CDH13: variants seen among roughly 807,000 people sequenced by gnomAD.
CDH13 encodes cadherin-13.
CDH13 carries 24 observed loss-of-function variants against 63.8 expected under a neutral mutation model. The observed-to-expected ratio is 0.38, with a 90% CI of 0.27 to 0.53. The LOEUF is 0.53. CDH13 is among the 20% of genes least tolerant of loss of function. The probability of loss-of-function intolerance (pLI) is 0.85; values close to 1 mark genes in which losing one functional copy is unlikely to be tolerated. For synonymous variants in CDH13, 503 were observed against 355.3 expected, an observed-to-expected ratio of 1.42 and a Z score of -4.67; for missense variants, 1,049 against 903.1, an observed-to-expected ratio of 1.16 and a Z score of -2.07.
In CDH13 at chr16:83,050,489, A is replaced by G. The variant is rs145865449; in HGVS notation, c.366+18271A>G. On this transcript the variant is annotated intron_variant, in intron 3 of 13. Transcript: ENST00000567109. Reference sequence around the variant, plus strand: ...GTCCTTGTTCTCCCACTCTTTCTGTATAGAAACCCATATATTTTCTTCCTC... The same window carrying G: ...GTCCTTGTTCTCCCACTCTTTCTGTGTAGAAACCCATATATTTTCTTCCTC... Among the ~76,000 whole-genome samples the G allele has an allele frequency of 1.9e-3, 288 of 152,258 alleles. 3 individuals are homozygous for G. The Middle Eastern group carries it at 0.024, about 13-fold the overall frequency.
chr16:83,355,850 G>A (rs1282493996), intron 6 of CDH13, among the ~76,000 whole-genome samples: 1 of 152,136 alleles, frequency 6.6e-6, no homozygotes, highest in Non-Finnish European at 1.5e-5. Context: ...CCTGTCCCAG[G>A]GTAACACAGC....
At chr16:83,279,381 G>A (rs1196378913) in intron 5 of CDH13, among the ~76,000 whole-genome samples, 8 of 152,136 alleles carry the variant, frequency 5.3e-5, no homozygotes, top group African/African-American at 1.7e-4. Flanking sequence ...GGGGCTCCTG[G>A]ATGCACGCAC....
intron 1 of CDH13, among the ~76,000 whole-genome samples, chr16:82,786,470 A>G (rs1169337832): frequency 8.1e-6 from 1 of 123,512 alleles, no homozygotes; most frequent in East Asian, 2.5e-4. Context: ...AGTCTCATCT[A>G]TGCCTTTTTG....
At chr16:82,769,483 A>G (rs1356731115) in intron 1 of CDH13, among the ~76,000 whole-genome samples, 1 of 152,196 alleles carries the variant, frequency 6.6e-6, no homozygotes, top group Non-Finnish European at 1.5e-5. Context: ...AAAGGCTGAT[A>G]CCTCTGTCTT....
intron 4 of CDH13, among the ~76,000 whole-genome samples, chr16:83,216,058 A>G (rs1322684789): frequency 6.7e-6 from 1 of 149,500 alleles, no homozygotes; most frequent in African/African-American, 2.5e-5. Context: ...CCAGTAACTC[A>G]CGATTTGCAA....
chr16:82,986,969 T>C (rs906198128), intron 2 of CDH13, among the ~76,000 whole-genome samples: 5 of 152,206 alleles, frequency 3.3e-5, no homozygotes, highest in African/African-American at 9.6e-5. Context: ...GAAACACTTA[T>C]CCCATCTATT....
At chr16:83,615,103 GC>G (rs1486023822) in intron 8 of CDH13, among the ~76,000 whole-genome samples, 1 of 152,106 alleles carries the variant, frequency 6.6e-6, no homozygotes, top group Non-Finnish European at 1.5e-5. Flanking sequence ...ACACCTTTGT[GC>G]TTCCACCCTT....
intron 3 of CDH13, among the ~76,000 whole-genome samples, chr16:83,113,664 A>G (rs1298167212): frequency 2.0e-5 from 3 of 152,178 alleles, no homozygotes; most frequent in Admixed American, 2.0e-4. Flanking sequence ...TCATAGCAAA[A>G]GAGACCGAGG....
At chr16:82,647,594 G>A (rs555482867) in intron 1 of CDH13, among the ~76,000 whole-genome samples, 5 of 151,856 alleles carry the variant, frequency 3.3e-5, no homozygotes, top group South Asian at 2.1e-4. Flanking sequence ...CACCTGAGGG[G>A]CATGGGAGCT....
intron 4 of CDH13, among the ~76,000 whole-genome samples, chr16:83,199,561 A>G (rs2038966999): frequency 6.6e-6 from 1 of 152,260 alleles, no homozygotes; most frequent in African/African-American, 2.4e-5. Context: ...TTAGCACAGT[A>G]CGTGGCCTGC....
chr16:83,082,666 A>G (rs563018429), intron 3 of CDH13, among the ~76,000 whole-genome samples: 24 of 152,216 alleles, frequency 1.6e-4, no homozygotes, highest in African/African-American at 5.5e-4. Context: ...AGAAATAAAA[A>G]CACCAGAAAG....
intron 11 of CDH13, among the ~76,000 whole-genome samples, chr16:83,766,891 C>T (rs1914425936): frequency 6.6e-6 from 1 of 152,014 alleles, no homozygotes; most frequent in South Asian, 2.1e-4. Context: ...TCTGGCATTC[C>T]CCTGCTTGCA....
intron 10 of CDH13, among the ~76,000 whole-genome samples, chr16:83,702,245 C>T (rs1375446500): frequency 1.3e-5 from 2 of 152,136 alleles, no homozygotes; most frequent in Non-Finnish European, 2.9e-5. Flanking sequence ...TGTAATTGCT[C>T]ATGAGTGTGC....
chr16:83,085,918 G>A (rs2033562599), intron 3 of CDH13, among the ~76,000 whole-genome samples: 1 of 152,150 alleles, frequency 6.6e-6, no homozygotes, highest in Non-Finnish European at 1.5e-5. Context: ...TAATTCAGAA[G>A]TGTTCTGAAT....
intron 1 of CDH13, among the ~76,000 whole-genome samples, chr16:82,647,999 T>TAAGGGGCAGTTCCCCTGC (rs1478906152): frequency 1.3e-5 from 2 of 152,168 alleles, no homozygotes; most frequent in African/African-American, 4.8e-5. Flanking sequence ...GAGGGTTTCA[T>TAAGGGGCAGTTCCCCTGC]AAGGGGCAGT....
rs1223334125 is a variant in CDH13 at position 82,689,112 on chromosome 16, T to C, written c.45+61975T>C. 7.2e-5 allele frequency: 11 copies of C among 152,152 alleles called. No individual in the cohort carries two copies. The South Asian group carries it at 1.9e-3, about 26-fold the overall frequency. 9.4% of individuals were successfully genotyped at this position (152,152 alleles called of 1,614,324 possible). The stretch of plus-strand genomic sequence containing the variant: ...TATAAAGTAATGGGTATTTTTCTAG[T>C]AGGGTTAACACACTTACTCAGGTTT... On this transcript the variant is annotated intron_variant, in intron 1 of 13. Transcript: ENST00000567109.
At position 83,486,605 on chromosome 16, in the gene CDH13, G is replaced by A; in HGVS notation, c.910G>A (p.Glu304Lys). 6.2e-7 allele frequency: 1 copy of A among 1,613,932 alleles called. No homozygotes were observed. The change falls in exon 7 of 14, where the codon GAG (glutamate) becomes AAG (lysine). Residue 304 changes from glutamate to lysine, a missense_variant. Physicochemically the swap from Glu to Lys is moderately conservative, Grantham distance 56. Coordinates refer to ENST00000567109, the MANE Select transcript of CDH13 (RefSeq NM_001257.5). ...TCCCAACATGTTCTACATCGATCCTGAGAAAGGAGACATTGTCACTGTTGT... is the reference window on the plus strand; with the variant it reads ...TCCCAACATGTTCTACATCGATCCTAAGAAAGGAGACATTGTCACTGTTGT... ...PSPNMFYIDP[E>K]KGDIVTVVSP...
intron 6 of CDH13, among the ~76,000 whole-genome samples, chr16:83,397,758 C>T (rs1229680143): frequency 1.3e-5 from 2 of 152,196 alleles, no homozygotes; most frequent in East Asian, 3.8e-4. Flanking sequence ...TCTCCCAGGA[C>T]TTGGCAGAAC....
chr16:83,616,459 G>C (rs1909290637), intron 8 of CDH13, among the ~76,000 whole-genome samples: 1 of 152,016 alleles, frequency 6.6e-6, no homozygotes, highest in South Asian at 2.1e-4. Context: ...TGGCAACTCA[G>C]TGACAATAAA....
Sources: allele counts gnomAD v4.1 joint callset (sites outside exome capture counted in the v4.1 genomes callset), GRCh38; gene constraint gnomAD v4.1.1; transcripts MANE v1.5; gene names NCBI Gene and HGNC (gene_info 2026-07-23, HGNC 2026-07-21).